The following AKAP6 variants were observed in gnomAD, a reference collection of about 807,000 sequenced individuals.
AKAP6 encodes A-kinase anchoring protein 6.
Under a neutral mutation model 188.5 loss-of-function variants are expected in AKAP6, and 58 were observed. The ratio of observed to expected loss-of-function variants is 0.31; its 90% CI spans 0.25 to 0.38. The LOEUF is 0.38. AKAP6 is among the 10% of genes least tolerant of loss of function. The pLI, the probability that AKAP6 is intolerant of heterozygous loss-of-function variation, is 1.00. For synonymous variants in AKAP6, 989 were observed against 998.6 expected (o/e 0.99, Z 0.18); for missense variants, 2,710 against 2,740.0 (o/e 0.99, Z 0.24).
At chr14:32,516,725 T>C (rs529970328) in intron 2 of AKAP6, among the ~76,000 whole-genome samples, 2 of 152,186 alleles carry the variant, frequency 1.3e-5, no homozygotes, top group Non-Finnish European at 2.9e-5. Context: ...TGAATTTGAA[T>C]TGGATATATC....
At chr14:32,352,867 G>A (rs1887336674) in intron 1 of AKAP6, among the ~76,000 whole-genome samples, 1 of 152,182 alleles carries the variant, frequency 6.6e-6, no homozygotes, top group South Asian at 2.1e-4. Context: ...ACGTGGGAGT[G>A]CAGATGTCTC....
At chr14:32,754,541 A>G (rs898990865) in intron 11 of AKAP6, among the ~76,000 whole-genome samples, 8 of 152,142 alleles carry the variant, frequency 5.3e-5, no homozygotes, top group African/African-American at 1.9e-4. Flanking sequence ...TGATTTATGC[A>G]CCACCACTTT....
chr14:32,347,920 T>A (rs980652405), intron 1 of AKAP6, among the ~76,000 whole-genome samples: 3 of 152,254 alleles, frequency 2.0e-5, no homozygotes, highest in African/African-American at 7.2e-5. Context: ...TTGCTTAGAT[T>A]TTCCAAAGGT....
intron 2 of AKAP6, among the ~76,000 whole-genome samples, chr14:32,530,975 G>T (rs896206626): frequency 6.6e-6 from 1 of 152,160 alleles, no homozygotes; most frequent in African/African-American, 2.4e-5. Context: ...CTCAGTGTTT[G>T]TATCAGCTGC....
chr14:32,542,908 T>C (rs1883023507), intron 3 of AKAP6, among the ~76,000 whole-genome samples: 1 of 152,236 alleles, frequency 6.6e-6, no homozygotes, highest in Admixed American at 6.5e-5. Flanking sequence ...ATTTTTTGTT[T>C]TTATTATTTT....
intron 8 of AKAP6, among the ~76,000 whole-genome samples, chr14:32,682,995 C>CTT (rs71115090): frequency 2.3e-4 from 33 of 142,320 alleles, no homozygotes; most frequent in African/African-American, 7.9e-4. Flanking sequence ...TTTTTTCTTC[C>CTT]TTTTTTTTTT....
chr14:32,442,517 G>C (rs1050825628), intron 2 of AKAP6: 2 of 152,070 alleles, frequency 1.3e-5, no homozygotes, highest in Non-Finnish European at 2.9e-5. Flanking sequence ...TGCCTAAGAA[G>C]GGGTGAACTG....
intron 5 of AKAP6, among the ~76,000 whole-genome samples, chr14:32,598,668 A>G (rs568230819): frequency 6.6e-6 from 1 of 152,332 alleles, no homozygotes; most frequent in South Asian, 2.1e-4. Flanking sequence ...ATAGAAGCAG[A>G]TATAAGGAGC....
intron 7 of AKAP6, among the ~76,000 whole-genome samples, chr14:32,609,880 GACACACACACACACAC>G (rs71115085): frequency 3.0e-4 from 41 of 137,428 alleles, no homozygotes; most frequent in African/African-American, 7.8e-4. Context: ...CTCTCTCTCT[GACACACACACACACAC>G]ACACACACAC....
intron 1 of AKAP6, among the ~76,000 whole-genome samples, chr14:32,339,654 T>A (rs1886830290): frequency 6.6e-6 from 1 of 152,104 alleles, no homozygotes; most frequent in Non-Finnish European, 1.5e-5. Flanking sequence ...GATGGATTGG[T>A]GGAATTTGAA....
At chr14:32,500,124 A>C (rs972592243) in intron 2 of AKAP6, among the ~76,000 whole-genome samples, 1 of 152,142 alleles carries the variant, frequency 6.6e-6, no homozygotes, top group African/African-American at 2.4e-5. Context: ...CTTTACTTTC[A>C]AGAAAAGAGA....
At chr14:32,487,840 C>T (rs529834279) in intron 2 of AKAP6, among the ~76,000 whole-genome samples, 3 of 152,330 alleles carry the variant, frequency 2.0e-5, no homozygotes, top group Non-Finnish European at 2.9e-5. Flanking sequence ...GAGGTCCACT[C>T]GAGACCCTGT....
At chr14:32,547,874 C>T (rs1195663317) in intron 4 of AKAP6, among the ~76,000 whole-genome samples, 1 of 151,796 alleles carries the variant, frequency 6.6e-6, no homozygotes, top group African/African-American at 2.4e-5. Flanking sequence ...GGACTGAGCT[C>T]CATAGTATAA....
Position 32,686,971 on chromosome 14 carries a change from C to T in AKAP6, c.2879+8512C>T, listed in dbSNP as rs151102616. 1.5e-4 allele frequency among the ~76,000 whole-genome samples: 23 copies of T among 152,202 alleles called. No individual in the cohort carries two copies. The East Asian group carries it at 3.1e-3, about 20-fold the overall frequency. On this transcript the variant is annotated intron_variant, in intron 8 of 13. Transcript: ENST00000280979. ...CACAGGAATAGTTCATCCCTCATCA[C>T]GCAAGGCTTTAGTATAAATTTTCTT...
intron 5 of AKAP6, among the ~76,000 whole-genome samples, chr14:32,587,602 A>G (rs1354722586): frequency 6.6e-6 from 1 of 152,248 alleles, no homozygotes; most frequent in Non-Finnish European, 1.5e-5. Flanking sequence ...AGTTAAGAAT[A>G]GAGAAGAGGG....
chr14:32,758,419 G>A (rs908259501), intron 11 of AKAP6, among the ~76,000 whole-genome samples: 1 of 152,142 alleles, frequency 6.6e-6, no homozygotes, highest in Non-Finnish European at 1.5e-5. Flanking sequence ...TAATAAACCT[G>A]TATCATTTGA....
intron 8 of AKAP6, among the ~76,000 whole-genome samples, chr14:32,689,110 ATTT>A (rs1890055719): frequency 6.6e-6 from 1 of 152,074 alleles, no homozygotes. Context: ...ACATTTTTCC[ATTT>A]GTTCTTCCAA....
chr14:32,337,375 T>C (rs1372860931), intron 1 of AKAP6, among the ~76,000 whole-genome samples: 3 of 152,108 alleles, frequency 2.0e-5, no homozygotes, highest in Non-Finnish European at 4.4e-5. Context: ...TAGAACACTG[T>C]AGAGGAACAC....
chr14:32,590,452 A>T (rs916405740), intron 5 of AKAP6, among the ~76,000 whole-genome samples: 1 of 152,176 alleles, frequency 6.6e-6, no homozygotes, highest in Non-Finnish European at 1.5e-5. Context: ...GAAACAAAAC[A>T]AAACAAAACA....
Sources: gnomAD v4.1 joint callset for allele counts (sites outside exome capture counted in the v4.1 genomes callset) on GRCh38, gnomAD v4.1.1 for gene constraint, MANE v1.5 for transcripts, NCBI Gene and HGNC (gene_info 2026-07-23, HGNC 2026-07-21) for gene names.